Variants in CDYL2 observed in about 807,000 individuals in gnomAD.
CDYL2 encodes chromodomain Y-like protein 2.
CDYL2 carries 23 observed loss-of-function variants against 49.4 expected under a neutral mutation model. That is an observed-to-expected ratio of 0.47 (90% CI 0.34 to 0.66). The LOEUF is 0.66. Ranked by LOEUF, CDYL2 falls within the 30% of genes least tolerant of loss-of-function variation. The pLI is 0.01. For missense variants in CDYL2, 678 were observed against 656.4 expected (o/e 1.03, Z -0.36); for synonymous variants, 360 against 268.8 (o/e 1.34, Z -3.32).
chr16:80,610,456 C>T (rs750097767), intron 5 of CDYL2, among the ~76,000 whole-genome samples: 5 of 152,122 alleles, frequency 3.3e-5, no homozygotes, highest in African/African-American at 4.8e-5. Context: ...TCACAATAGC[C>T]GTGGGGCCAC....
chr16:80,671,909 C>T (rs1567564454), intron 2 of CDYL2, among the ~76,000 whole-genome samples: 2 of 152,144 alleles, frequency 1.3e-5, no homozygotes, highest in Admixed American at 1.3e-4. Context: ...ATGTTTAGAC[C>T]TAACCTAAAT....
intron 5 of CDYL2, among the ~76,000 whole-genome samples, chr16:80,609,500 C>A (rs1157244865): frequency 6.6e-6 from 1 of 152,212 alleles, no homozygotes; most frequent in Non-Finnish European, 1.5e-5. Flanking sequence ...GATAATAAGT[C>A]TTAGCATATG....
At chr16:80,802,953 G>A (rs1907970482) in intron 1 of CDYL2, among the ~76,000 whole-genome samples, 1 of 152,342 alleles carries the variant, frequency 6.6e-6, no homozygotes, top group Admixed American at 6.5e-5. Flanking sequence ...TTAAGAACCA[G>A]ATGGCGTTAA....
At chr16:80,743,198 C>T (rs1905808593) in intron 1 of CDYL2, among the ~76,000 whole-genome samples, 1 of 152,082 alleles carries the variant, frequency 6.6e-6, no homozygotes, top group Non-Finnish European at 1.5e-5. Flanking sequence ...CATGTTAAGC[C>T]CTCAATAAAA....
chr16:80,651,206 A>G (rs976751387), intron 2 of CDYL2, among the ~76,000 whole-genome samples: 1 of 152,186 alleles, frequency 6.6e-6, no homozygotes, highest in African/African-American at 2.4e-5. Flanking sequence ...GTATCAAAAC[A>G]TCCCATGTAC....
chr16:80,636,091 C>T (rs1032676108), intron 2 of CDYL2, among the ~76,000 whole-genome samples: 2 of 151,866 alleles, frequency 1.3e-5, no homozygotes, highest in Non-Finnish European at 2.9e-5. Flanking sequence ...AAAAGTAACA[C>T]CTAAAGCCTA....
At chr16:80,789,956 G>T (rs75745197) in intron 1 of CDYL2, among the ~76,000 whole-genome samples, 2,974 of 152,144 alleles carry the variant, frequency 0.02, 95 homozygotes, top group African/African-American at 0.069. Context: ...ATTACCTACT[G>T]GGTACAATAT....
chr16:80,723,570 G>C (rs1253355817), intron 1 of CDYL2, among the ~76,000 whole-genome samples: 2 of 152,164 alleles, frequency 1.3e-5, no homozygotes, highest in Non-Finnish European at 2.9e-5. Context: ...ATCCCAATGA[G>C]ATACTGATTC....
rs933201453 is a variant in CDYL2, at chr16:80,599,034, C to T, written c.*5354G>A. 2.0e-5 allele frequency: 3 copies of T among 152,078 alleles called. No individual in the cohort carries two copies. The highest frequency in any genetic ancestry group is 2.0e-4 in the Admixed American group (3 of 15,254). The allele number at this position is 152,078 out of a possible 1,614,324, so 9.4% of individuals were successfully genotyped here. On this transcript the variant is annotated 3_prime_UTR_variant, in exon 7 of 7. Coordinates refer to ENST00000570137, the MANE Select transcript of CDYL2 (RefSeq NM_152342.4). ...TACTAGATGGGAAACTCTACACCCTCCAAACTTCCAAGAGTCAGCTTCAAG... is the reference window on the plus strand; with the variant it reads ...TACTAGATGGGAAACTCTACACCCTTCAAACTTCCAAGAGTCAGCTTCAAG...
At chr16:80,728,354 A>C (rs1905230200) in intron 1 of CDYL2, among the ~76,000 whole-genome samples, 1 of 152,130 alleles carries the variant, frequency 6.6e-6, no homozygotes, top group Non-Finnish European at 1.5e-5. Context: ...TCAGTGATGG[A>C]AGATGAAATG....
chr16:80,717,864 T>C (rs1443748782), intron 1 of CDYL2, among the ~76,000 whole-genome samples: 1 of 152,212 alleles, frequency 6.6e-6, no homozygotes, highest in Non-Finnish European at 1.5e-5. Flanking sequence ...ACAAAGTTCC[T>C]AGAACAGTTA....
At chr16:80,728,642 T>C (rs975903775) in intron 1 of CDYL2, among the ~76,000 whole-genome samples, 1 of 151,350 alleles carries the variant, frequency 6.6e-6, no homozygotes, top group South Asian at 2.1e-4. Flanking sequence ...AGACACATAA[T>C]TGTCAGATTC....
intron 1 of CDYL2, among the ~76,000 whole-genome samples, chr16:80,705,235 G>C (rs1904365290): frequency 6.6e-6 from 1 of 152,202 alleles, no homozygotes; most frequent in Non-Finnish European, 1.5e-5. Flanking sequence ...CTTTCAGCCT[G>C]GTTCTCCCTT....
At chr16:80,649,879 C>T (rs760170851) in intron 2 of CDYL2, among the ~76,000 whole-genome samples, 8 of 152,094 alleles carry the variant, frequency 5.3e-5, no homozygotes, top group Non-Finnish European at 1.0e-4. Flanking sequence ...ATAGCTTCTT[C>T]AATAAATGGT....
intron 1 of CDYL2, among the ~76,000 whole-genome samples, chr16:80,757,987 A>G (rs1906372386): frequency 6.6e-6 from 1 of 152,196 alleles, no homozygotes; most frequent in African/African-American, 2.4e-5. Context: ...GAAACACAAG[A>G]ATACAAGGAA....
rs539266702 is a variant in CDYL2, at chr16:80,619,966, T to C, written c.1007+797A>G. Among the ~76,000 whole-genome samples, 21 of 152,182 alleles carry C rather than the reference T, an allele frequency of 1.4e-4. No individual in the cohort carries two copies. In the South Asian group the frequency reaches 4.4e-3, roughly 32 times the overall value. On this transcript the variant is annotated intron_variant, in intron 4 of 6. Coordinates refer to ENST00000570137, the MANE Select transcript of CDYL2 (RefSeq NM_152342.4). ...CCCAGAAAATCCCTGACTTGTGGCC[T>C]GAGGCTCCGTGACACCATGTGGAGT... is the stretch of plus-strand genomic sequence containing the variant.
At chr16:80,687,067 G>C (rs1299476044) in intron 1 of CDYL2, among the ~76,000 whole-genome samples, 1 of 152,210 alleles carries the variant, frequency 6.6e-6, no homozygotes, top group Non-Finnish European at 1.5e-5. Flanking sequence ...AAGGATTTCT[G>C]GAAGAGCCTG....
intron 2 of CDYL2, among the ~76,000 whole-genome samples, chr16:80,675,712 G>A (rs896816760): frequency 6.6e-6 from 1 of 151,374 alleles, no homozygotes. Context: ...TATTGTTTTG[G>A]AACCCTCAAT....
At chr16:80,715,718 G>A (rs866867010) in intron 1 of CDYL2, among the ~76,000 whole-genome samples, 4 of 152,006 alleles carry the variant, frequency 2.6e-5, no homozygotes, top group Admixed American at 1.3e-4. Flanking sequence ...TTAAAATGGT[G>A]TATAAGCCCT....
Sources: gnomAD v4.1 joint callset for allele counts (sites outside exome capture counted in the v4.1 genomes callset) on GRCh38, gnomAD v4.1.1 for gene constraint, MANE v1.5 for transcripts, NCBI Gene and HGNC (gene_info 2026-07-23, HGNC 2026-07-21) for gene names.